Variants in SLC6A18 observed in about 807,000 individuals in gnomAD.
The protein encoded by SLC6A18 is solute carrier family 6 member 18.
SLC6A18 carries 58 observed loss-of-function variants against 62.9 expected under a neutral mutation model. The observed-to-expected ratio is 0.92, with a 90% CI of 0.75 to 1.15. The LOEUF is 1.15. SLC6A18 is among the 50% of genes most tolerant of loss of function. SLC6A18 has a pLI of 0.00. For missense variants in SLC6A18, 793 were observed against 836.6 expected (o/e 0.95, Z 0.64); for synonymous variants, 382 against 365.8 (o/e 1.04, Z -0.51).
Position 1,241,873 on chromosome 5 carries a change from C to T in SLC6A18, c.975-834C>T, listed in dbSNP as rs1345836386. Among the ~76,000 whole-genome samples, 1 of 152,372 alleles carries T rather than the reference C, an allele frequency of 6.6e-6. No individual in the cohort carries two copies. Among genetic ancestry groups the T allele is most frequent in the African/African-American group, 2.4e-5 (1 of 41,582 alleles). On this transcript the variant is annotated intron_variant, in intron 7 of 11. Coordinates refer to ENST00000324642, the MANE Select transcript of SLC6A18 (RefSeq NM_182632.3). This position sits in a 1 kb window ranked among gnomAD's most constrained non-coding sequence, Gnocchi z 7.8. Reference sequence around the variant, plus strand: ...AAGGACCAGCCGTGCGCACAACGCCCTGCGCCGTGCAGCCCAAGCTGGCCT... The same window carrying T: ...AAGGACCAGCCGTGCGCACAACGCCTTGCGCCGTGCAGCCCAAGCTGGCCT...
chr5:1,235,120 C>T (rs1434471442), intron 3 of SLC6A18, among the ~76,000 whole-genome samples: 1 of 152,208 alleles, frequency 6.6e-6, no homozygotes, highest in Non-Finnish European at 1.5e-5. Flanking sequence ...ACACATGCAG[C>T]CGCTCTCCGT....
Position 1,242,681 on chromosome 5 carries a change from G to A in SLC6A18, c.975-26G>A, listed in dbSNP as rs760872707. ...ATGTGTTTGGGAACCAGGGCCATGA[G>A]CCCACAGTCCTCTCTGTCCCCGCAG... On this transcript the variant is annotated intron_variant, in intron 7 of 11. Transcript: ENST00000324642. 3 of 1,578,286 alleles carry A rather than the reference G, an allele frequency of 1.9e-6. No homozygotes were observed. The South Asian group carries it at 3.4e-5, about 18-fold the overall frequency.
chr5:1,235,452 C>T (rs1294336727), intron 3 of SLC6A18, 29 bp from the exon 4 acceptor site: 1 of 1,607,506 alleles, frequency 6.2e-7, no homozygotes, highest in Admixed American at 1.7e-5. Flanking sequence ...CGCCCCACAG[C>T]CAGCCTGTGA....
Position 1,246,173 on chromosome 5 carries a change from C to G in SLC6A18, c.*95C>G. 7.0e-7 allele frequency: 1 copy of G among 1,421,930 alleles called. No individual in the cohort carries two copies. The allele number at this position is 1,421,930 out of a possible 1,614,324, so 88.1% of individuals were successfully genotyped here. ...GCCCACAGGGCCGACCCCAATACACCAGCGACTCAACCTTGATGCCGCTGT... is the reference window on the plus strand; with the variant it reads ...GCCCACAGGGCCGACCCCAATACACGAGCGACTCAACCTTGATGCCGCTGT... On this transcript the variant is annotated 3_prime_UTR_variant, in exon 12 of 12. Transcript: ENST00000324642.
intron 11 of SLC6A18, 81 bp from the exon 12 acceptor site, chr5:1,245,767 G>C (rs1426062790): frequency 3.3e-5 from 47 of 1,418,804 alleles, no homozygotes; most frequent in Non-Finnish European, 4.3e-5. Context: ...GGTGGCTCTT[G>C]CCCCTTGGAT....
intron 4 of SLC6A18, among the ~76,000 whole-genome samples, chr5:1,237,240 C>CAAAAAAAAAAA (rs61528804): frequency 1.3e-5 from 1 of 76,482 alleles, no homozygotes; most frequent in African/African-American, 5.4e-5. Flanking sequence ...GACTCTGTCT[C>CAAAAAAAAAAA]AAAAAAAAAA....
At position 1,246,035 on chromosome 5, in the gene SLC6A18, CGCGCCCAGACACGGACAT is replaced by C. The variant is rs1243959367; in HGVS notation, c.1851_1868del (p.Asp618_Pro623del). Reference sequence around the variant, plus strand: ...ACGGACATGCGCCCGGACACGGACACGCGCCCAGACACGGACATGCGCCCGGACACGGACATGCGCTGA... The same window carrying C: ...ACGGACATGCGCCCGGACACGGACACGCGCCCGGACACGGACATGCGCTGA... On this transcript the variant is annotated inframe_deletion, in exon 12 of 12. Coordinates refer to ENST00000324642, the MANE Select transcript of SLC6A18 (RefSeq NM_182632.3). The C allele has an allele frequency of 1.9e-6, 3 of 1,592,782 alleles. No individual in the cohort carries two copies. Among genetic ancestry groups the C allele is most frequent in the African/African-American group, 1.3e-5 (1 of 74,500 alleles).
rs146852449 is a variant in SLC6A18, at chr5:1,234,037, G to A, written c.439+1149G>A. Among the ~76,000 whole-genome samples, 811 of 152,122 alleles carry A rather than the reference G, an allele frequency of 5.3e-3. 15 individuals carry two copies. The East Asian group carries it at 0.059, about 11-fold the overall frequency. On this transcript the variant is annotated intron_variant, in intron 3 of 11. Coordinates refer to ENST00000324642, the MANE Select transcript of SLC6A18 (RefSeq NM_182632.3). ...ATTACAGGCGTGAGCCACCGCGCCC[G>A]GCCAGCACCCAGCTAATTTTATTTT...
Position 1,245,960 on chromosome 5 carries a change from T to A in SLC6A18, c.1769T>A (p.Leu590Gln). 1 of 1,601,980 alleles carries A rather than the reference T, an allele frequency of 6.2e-7. No individual in the cohort carries two copies. The highest frequency in any genetic ancestry group is 8.5e-7 in the Non-Finnish European group (1 of 1,179,212). ...LWVPVAALAQLLTRRRRTWRD... is the reference protein window; with the variant it reads ...LWVPVAALAQQLTRRRRTWRD... The stretch of plus-strand genomic sequence containing the variant: ...GTCCCGGTGGCCGCGCTTGCTCAGC[T>A]GCTCACCCGGCGGAGGCGGACGTGG... Residue 590 changes from leucine to glutamine, a missense_variant, in exon 12 of 12, where the codon CTG becomes CAG. Transcript: ENST00000324642.
In SLC6A18 at chr5:1,246,058, C is replaced by T; in HGVS notation, c.1867C>T (p.Pro623Ser). ...CACGCGCCCAGACACGGACATGCGC[C>T]CGGACACGGACATGCGCTGAAGCCG... Reference protein sequence around the residue: ...TDTRPDTDMRPDTDMR With the variant: ...TDTRPDTDMRSDTDMR The change falls in exon 12 of 12, where the codon CCG becomes TCG. Residue 623 changes from proline to serine, a missense_variant. Transcript: ENST00000324642. 6.3e-7 allele frequency: 1 copy of T among 1,586,818 alleles called. No individual in the cohort carries two copies. The highest frequency in any genetic ancestry group is 1.1e-5 in the South Asian group (1 of 89,116).
intron 1 of SLC6A18, among the ~76,000 whole-genome samples, chr5:1,228,495 G>A (rs902639101): frequency 2.0e-5 from 3 of 152,190 alleles, no homozygotes; most frequent in Admixed American, 6.5e-5. Context: ...GCTGCACTGC[G>A]GCCTCTGCAT....
intron 1 of SLC6A18, among the ~76,000 whole-genome samples, chr5:1,231,690 A>C (rs947370034): frequency 6.6e-6 from 1 of 152,172 alleles, no homozygotes; most frequent in African/African-American, 2.4e-5. Flanking sequence ...GTGTTTAAAA[A>C]ACATGCTCAG....
At chr5:1,228,909 T>C (rs1001235142) in intron 1 of SLC6A18, among the ~76,000 whole-genome samples, 1 of 152,204 alleles carries the variant, frequency 6.6e-6, no homozygotes, top group African/African-American at 2.4e-5. Context: ...TAGACATTCT[T>C]ACCATGTGGA....
chr5:1,229,281 C>T (rs1218052869), intron 1 of SLC6A18, among the ~76,000 whole-genome samples: 1 of 151,684 alleles, frequency 6.6e-6, no homozygotes, highest in Non-Finnish European at 1.5e-5. Flanking sequence ...CACAGAAAAC[C>T]CTCTCATCTC....
At chr5:1,232,918 C>A in intron 3 of SLC6A18, 30 bp downstream of exon 3, 1 of 1,585,274 alleles carries the variant, frequency 6.3e-7, no homozygotes, top group South Asian at 1.2e-5. Flanking sequence ...CTGTGTGGGT[C>A]CGTGCACGGC....
At chr5:1,230,599 G>A (rs1271149524) in intron 1 of SLC6A18, among the ~76,000 whole-genome samples, 6 of 152,240 alleles carry the variant, frequency 3.9e-5, no homozygotes, top group African/African-American at 7.2e-5. Context: ...CCCTGTGCCC[G>A]TGGCAGTCGC....
intron 4 of SLC6A18, among the ~76,000 whole-genome samples, chr5:1,236,385 T>C (rs1579529618): frequency 6.6e-6 from 1 of 152,242 alleles, no homozygotes; most frequent in East Asian, 1.9e-4. Flanking sequence ...ATTTTGCTTA[T>C]AACATGTTAT....
intron 1 of SLC6A18, among the ~76,000 whole-genome samples, chr5:1,228,739 G>T (rs192286183): frequency 6.6e-6 from 1 of 152,328 alleles, no homozygotes; most frequent in African/African-American, 2.4e-5. Context: ...GGGCGTGCTG[G>T]CGTCTACTTG....
Position 1,244,205 on chromosome 5 carries a change from C to G in SLC6A18, c.1337-9C>G, listed in dbSNP as rs527822894. On this transcript the variant is annotated splice_polypyrimidine_tract_variant and intron_variant, in intron 9 of 11. Coordinates refer to ENST00000324642, the MANE Select transcript of SLC6A18 (RefSeq NM_182632.3). ...CCTTACCCCCCACACCCCTTTCCCACTGCCCCAGGGCTGGTCTGCCTGGTC... is the reference window on the plus strand; with the variant it reads ...CCTTACCCCCCACACCCCTTTCCCAGTGCCCCAGGGCTGGTCTGCCTGGTC... The G allele has an allele frequency of 2.7e-5, 44 of 1,603,272 alleles. No individual in the cohort carries two copies. The East Asian group carries it at 9.4e-4, about 34-fold the overall frequency.
Sources: allele counts gnomAD v4.1 joint callset (sites outside exome capture counted in the v4.1 genomes callset), GRCh38; gene constraint gnomAD v4.1.1; non-coding constraint Gnocchi (gnomAD v3.1); transcripts MANE v1.5; gene names NCBI Gene and HGNC (gene_info 2026-07-23, HGNC 2026-07-21).